The following KAT2B variants were observed in gnomAD, a reference collection of about 807,000 sequenced individuals.
KAT2B encodes histone acetyltransferase KAT2B.
In KAT2B, 36 loss-of-function variants were observed where a neutral mutation model predicts 105.9. The ratio of observed to expected loss-of-function variants is 0.34; its 90% CI spans 0.26 to 0.45. The LOEUF is 0.45. Ranked by LOEUF, KAT2B falls within the 20% of genes least tolerant of loss-of-function variation. KAT2B has a pLI of 1.00. For missense variants in KAT2B, 820 were observed against 1,021.6 expected (o/e 0.80, Z 2.69); for synonymous variants, 397 against 377.9 (o/e 1.05, Z -0.59).
At chr3:20,144,847 G>C (rs1301413078) in intron 13 of KAT2B, among the ~76,000 whole-genome samples, 1 of 151,232 alleles carries the variant, frequency 6.6e-6, no homozygotes, top group African/African-American at 2.4e-5. Context: ...CCAGACTGGA[G>C]TGCAATGGCA....
intron 13 of KAT2B, 124 bp from the exon 14 acceptor site, chr3:20,146,192 C>A (rs1256094393): frequency 1.5e-5 from 10 of 657,092 alleles, no homozygotes; most frequent in Admixed American, 4.7e-5. Context: ...GCATTCACCC[C>A]TTTCTCCCAT....
intron 2 of KAT2B, among the ~76,000 whole-genome samples, chr3:20,085,317 T>C (rs1447057350): frequency 1.3e-5 from 2 of 152,238 alleles, no homozygotes; most frequent in Admixed American, 6.5e-5. Flanking sequence ...AGGCTTCAGA[T>C]TGACCTCAAG....
chr3:20,053,490 G>A (rs1381288019), intron 1 of KAT2B, among the ~76,000 whole-genome samples: 1 of 152,188 alleles, frequency 6.6e-6, no homozygotes, highest in African/African-American at 2.4e-5. Context: ...AGCCGTGAGT[G>A]TGCTGCTGCA....
At chr3:20,095,027 G>A (rs1042498973) in intron 2 of KAT2B, among the ~76,000 whole-genome samples, 1 of 152,168 alleles carries the variant, frequency 6.6e-6, no homozygotes, top group Non-Finnish European at 1.5e-5. Flanking sequence ...TTAGCCACCA[G>A]CCCATTTTTA....
chr3:20,081,017 T>C (rs905191171), intron 2 of KAT2B, among the ~76,000 whole-genome samples: 8 of 152,230 alleles, frequency 5.3e-5, no homozygotes, highest in Admixed American at 2.0e-4. Flanking sequence ...CTCTTTTTTT[T>C]CATTCCAGAT....
intron 11 of KAT2B, among the ~76,000 whole-genome samples, chr3:20,132,217 A>C (rs1274860589): frequency 6.6e-6 from 1 of 152,136 alleles, no homozygotes; most frequent in Non-Finnish European, 1.5e-5. Context: ...TCTACCAAAA[A>C]TACAAAATTA....
At chr3:20,095,528 C>A in intron 3 of KAT2B, 120 bp downstream of exon 3, 1 of 619,584 alleles carries the variant, frequency 1.6e-6, no homozygotes, top group Non-Finnish European at 2.8e-6. Context: ...TCAGAGTTTG[C>A]TGAACAATAC....
chr3:20,127,434 C>A lies in KAT2B; in HGVS notation c.1634C>A (p.Thr545Asn). The change falls in exon 11 of 18, where the codon ACC becomes AAC. Residue 545 changes from threonine (T) to asparagine (N), a missense_variant. Around this residue, in one of 6 missense-constraint regions of KAT2B, gnomAD observed 225 missense variants for 268.1 expected, o/e 0.84. Transcript: ENST00000263754. Reference sequence around the variant, plus strand: ...TCTTATTCTTTCAGGAAACACAAAACCCTTGCTTTAATTAAAGATGGCCGT... The same window carrying A: ...TCTTATTCTTTCAGGAAACACAAAAACCTTGCTTTAATTAAAGATGGCCGT... ...TRLVFDPKHK[T>N]LALIKDGRVI... 1 of 1,612,780 alleles carries A rather than the reference C, an allele frequency of 6.2e-7. No homozygotes were observed. The highest frequency in any genetic ancestry group is 8.5e-7 in the Non-Finnish European group (1 of 1,178,834).
chr3:20,065,417 T>A (rs1289155652), intron 1 of KAT2B, among the ~76,000 whole-genome samples: 1 of 151,994 alleles, frequency 6.6e-6, no homozygotes, highest in Non-Finnish European at 1.5e-5. Flanking sequence ...ATGGGAAAGG[T>A]GTTTTGAAAG....
At chr3:20,113,972 T>G (rs1699163732) in intron 6 of KAT2B, among the ~76,000 whole-genome samples, 1 of 152,192 alleles carries the variant, frequency 6.6e-6, no homozygotes, top group Non-Finnish European at 1.5e-5. Context: ...GCTTCACCAC[T>G]CTGAACTATT....
intron 17 of KAT2B, among the ~76,000 whole-genome samples, chr3:20,151,021 TTTC>T (rs1050495898): frequency 1.3e-5 from 2 of 152,236 alleles, no homozygotes; most frequent in Non-Finnish European, 2.9e-5. Flanking sequence ...TCATTGTTTT[TTTC>T]TTCTTTAAAT....
chr3:20,126,821 C>CAAAAAAA (rs754659716), intron 10 of KAT2B, among the ~76,000 whole-genome samples: 1 of 85,860 alleles, frequency 1.2e-5, no homozygotes, highest in African/African-American at 4.3e-5. Context: ...AACTCCATTT[C>CAAAAAAA]AAAAAAAAAA....
chr3:20,119,690 T>G lies in KAT2B; in HGVS notation c.1243T>G (p.Cys415Gly), dbSNP rs1559321753. 6.2e-7 allele frequency: 1 copy of G among 1,614,086 alleles called. No homozygotes were observed. Among genetic ancestry groups the G allele is most frequent in the East Asian group, 2.2e-5 (1 of 44,874 alleles). The change falls in exon 8 of 18, where the codon TGC (cysteine) becomes GGC (glycine). Residue 415 changes from cysteine (C) to glycine (G), a missense_variant. Physicochemically the swap from Cys to Gly is radical, Grantham distance 159. Coordinates refer to ENST00000263754, the MANE Select transcript of KAT2B (RefSeq NM_003884.5). ...QPNAGSSSPACKASSGLEANP... is the reference protein window; with the variant it reads ...QPNAGSSSPAGKASSGLEANP... ...AAACGCAGGGAGCAGCAGTCCTGCC[T>G]GCAAAGCCTCTTCTGGACTTGAGGC...
At chr3:20,139,722 A>G (rs1366450740) in intron 12 of KAT2B, among the ~76,000 whole-genome samples, 1 of 152,130 alleles carries the variant, frequency 6.6e-6, no homozygotes, top group Non-Finnish European at 1.5e-5. Flanking sequence ...ACAACCACAC[A>G]TTGTGACTGT....
chr3:20,094,570 G>C (rs548802717), intron 2 of KAT2B, among the ~76,000 whole-genome samples: 5 of 152,160 alleles, frequency 3.3e-5, no homozygotes, highest in Admixed American at 6.6e-5. Flanking sequence ...AGATCACAAA[G>C]GGATGAGTGA....
chr3:20,116,752 C>G (rs1699214296), intron 7 of KAT2B, among the ~76,000 whole-genome samples: 2 of 152,098 alleles, frequency 1.3e-5, no homozygotes. Context: ...GTATCTAAGC[C>G]TTTTCACAAA....
intron 2 of KAT2B, among the ~76,000 whole-genome samples, chr3:20,079,801 C>T (rs1698488285): frequency 6.6e-6 from 1 of 152,182 alleles, no homozygotes; most frequent in Non-Finnish European, 1.5e-5. Context: ...TGAATTGAGC[C>T]AGCATATTCC....
At chr3:20,147,369 T>G (rs1699798142) in intron 14 of KAT2B, among the ~76,000 whole-genome samples, 1 of 151,586 alleles carries the variant, frequency 6.6e-6, no homozygotes, top group Non-Finnish European at 1.5e-5. Flanking sequence ...TTTTTTTTTG[T>G]ACATTAACTA....
intron 1 of KAT2B, among the ~76,000 whole-genome samples, chr3:20,050,705 CTTTT>C (rs769997231): frequency 7.0e-6 from 1 of 142,432 alleles, no homozygotes. Context: ...TGGGATGAAT[CTTTT>C]TTTTTTTTTT....
Sources: allele counts gnomAD v4.1 joint callset (sites outside exome capture counted in the v4.1 genomes callset), GRCh38; gene constraint gnomAD v4.1.1; regional missense constraint gnomAD v4.1.1; transcripts MANE v1.5; gene names NCBI Gene and HGNC (gene_info 2026-07-23, HGNC 2026-07-21).